Variants in MACROD2 observed in about 807,000 individuals in gnomAD.
MACROD2 encodes mono-ADP ribosylhydrolase 2, also known as ADP-ribose glycohydrolase MACROD2.
MACROD2 carries 36 observed loss-of-function variants against 70.4 expected under a neutral mutation model. The ratio of observed to expected loss-of-function variants is 0.51; its 90% CI spans 0.39 to 0.68. The LOEUF is 0.68. Among genes scored for constraint, MACROD2 ranks in the 30% least tolerant of loss-of-function variants. MACROD2 has a pLI of 0.00. For missense variants in MACROD2, 496 were observed against 538.4 expected, an observed-to-expected ratio of 0.92 and a Z score of 0.78; for synonymous variants, 172 against 178.8, an observed-to-expected ratio of 0.96 and a Z score of 0.30.
In MACROD2 at chr20:15,768,720, C is replaced by T. The variant is rs115866601; in HGVS notation, c.646-94025C>T. Among the ~76,000 whole-genome samples, 1,143 of 152,280 alleles carry T rather than the reference C, an allele frequency of 7.5e-3. 13 individuals are homozygous for T. The highest frequency in any genetic ancestry group is 0.025 in the African/African-American group (1,042 of 41,556). Reference sequence around the variant, plus strand: ...TATTTTGTAATCATACAATTTAAAACACAAACACATTGTACAGCTATACAA... The same window carrying T: ...TATTTTGTAATCATACAATTTAAAATACAAACACATTGTACAGCTATACAA... On this transcript the variant is annotated intron_variant, in intron 8 of 17. Coordinates refer to ENST00000684519, the MANE Select transcript of MACROD2 (RefSeq NM_001351661.2).
At chr20:14,547,867 C>A (rs6131592) in intron 4 of MACROD2, among the ~76,000 whole-genome samples, 13,818 of 152,136 alleles carry the variant, frequency 0.091, 814 homozygotes, top group Non-Finnish European at 0.13. Context: ...CCAGCGTCTC[C>A]TCTGTATGGC....
At chr20:14,095,830 G>A (rs2054216459) in intron 3 of MACROD2, among the ~76,000 whole-genome samples, 1 of 152,196 alleles carries the variant, frequency 6.6e-6, no homozygotes. Context: ...CTGACAGTCT[G>A]AGCAGGTCTG....
chr20:14,648,590 C>G (rs972817345), intron 4 of MACROD2, among the ~76,000 whole-genome samples: 1 of 151,574 alleles, frequency 6.6e-6, no homozygotes, highest in African/African-American at 2.4e-5. Context: ...CGTCTACTTT[C>G]TCTCCTTTGC....
Position 15,123,863 on chromosome 20 carries a change from T to A in MACROD2, c.419-106077T>A, listed in dbSNP as rs1170565246. 2.6e-5 allele frequency among the ~76,000 whole-genome samples: 4 copies of A among 152,202 alleles called. No homozygotes were observed. In the South Asian group the frequency reaches 8.3e-4, roughly 31 times the overall value. On this transcript the variant is annotated intron_variant, in intron 5 of 17. Transcript: ENST00000684519. ...ACCATGACACACATACAAATGTATA[T>A]GTGTGTGCACTGGCACTCACACATG...
rs2085313307 is a variant in MACROD2, at chr20:14,532,139, G to GTA, written c.301+38634_301+38635dup. 4.0e-5 allele frequency among the ~76,000 whole-genome samples: 6 copies of GTA among 151,634 alleles called. No individual in the cohort carries two copies. The South Asian group carries it at 1.2e-3, about 32-fold the overall frequency. On this transcript the variant is annotated intron_variant, in intron 4 of 17. Transcript: ENST00000684519. ...GTGCTTATGCTGAAGGACAATAGCA[G>GTA]TATAATGATTTTAGTACCCATGTTT...
intron 3 of MACROD2, among the ~76,000 whole-genome samples, chr20:14,339,076 A>G (rs949376293): frequency 1.3e-5 from 2 of 152,198 alleles, no homozygotes; most frequent in Non-Finnish European, 2.9e-5. Context: ...AGTCTTTCCC[A>G]GGACTATTTG....
intron 5 of MACROD2, among the ~76,000 whole-genome samples, chr20:15,190,219 C>T (rs947478073): frequency 1.3e-5 from 2 of 152,116 alleles, no homozygotes; most frequent in Non-Finnish European, 2.9e-5. Flanking sequence ...ATTTTCTTAA[C>T]CTCATTTTCT....
At chr20:14,167,299 CAT>C (rs1398204182) in intron 3 of MACROD2, among the ~76,000 whole-genome samples, 2 of 152,094 alleles carry the variant, frequency 1.3e-5, no homozygotes, top group Non-Finnish European at 2.9e-5. Context: ...ATTTTTTTCA[CAT>C]GATTATATGC....
intron 8 of MACROD2, among the ~76,000 whole-genome samples, chr20:15,673,475 T>C: frequency 6.6e-6 from 1 of 152,182 alleles, no homozygotes; most frequent in East Asian, 1.9e-4. Flanking sequence ...GTATGAACCC[T>C]CAGTTCCACT....
At chr20:14,684,648 A>ACCACCCCCCCCCCCCCC (rs2070977501) in intron 4 of MACROD2, among the ~76,000 whole-genome samples, 195 bp from the exon 5 acceptor site, 1 of 134,848 alleles carries the variant, frequency 7.4e-6, no homozygotes, top group Admixed American at 7.5e-5. Context: ...ACATAACCTC[A>ACCACCCCCCCCCCCCCC]CCCCCCCCCC....
intron 4 of MACROD2, chr20:14,554,254 C>G (rs1039200977): frequency 6.6e-6 from 1 of 152,104 alleles, no homozygotes; most frequent in South Asian, 2.1e-4. Flanking sequence ...ATTTCTCTGT[C>G]GTTAAATGAG....
intron 5 of MACROD2, among the ~76,000 whole-genome samples, chr20:14,743,810 C>T (rs555077328): frequency 1.2e-4 from 19 of 152,196 alleles, no homozygotes; most frequent in African/African-American, 4.3e-4. Flanking sequence ...ACTTTCAGAT[C>T]GGGAGATTAT....
At chr20:14,504,786 G>C (rs979037006) in intron 4 of MACROD2, among the ~76,000 whole-genome samples, 2 of 152,058 alleles carry the variant, frequency 1.3e-5, no homozygotes, top group Non-Finnish European at 1.5e-5. Context: ...AAATTCTGAG[G>C]ATCTTGTTGT....
rs1568839544 is a variant in MACROD2, at chr20:14,862,213, A to ATATATAAATATATATAAATATATATT, written c.418+177260_418+177261insAATATATATAAATATATATTTATATA. ...TTTATACATAAATATATAAATATAT[A>ATATATAAATATATATAAATATATATT]TATATATAAATATATATAAATATAT... On this transcript the variant is annotated intron_variant, in intron 5 of 17. Transcript: ENST00000684519. Among the ~76,000 whole-genome samples the ATATATAAATATATATAAATATATATT allele has an allele frequency of 3.0e-3, 11 of 3,646 alleles. 1 individual carries two copies. The highest frequency in any genetic ancestry group is 9.4e-3 in the African/African-American group (11 of 1,170). The allele number at this position is 3,646 out of a possible 152,430, so 2.4% of individuals were successfully genotyped here. A position where few individuals can be genotyped will look rare whatever the true frequency, so the allele number is the denominator to read the frequency against.
At chr20:14,682,629 A>C (rs2070947608) in intron 4 of MACROD2, among the ~76,000 whole-genome samples, 1 of 152,038 alleles carries the variant, frequency 6.6e-6, no homozygotes, top group Non-Finnish European at 1.5e-5. Context: ...TAGCTGGTCT[A>C]TTCATTTTAA....
At chr20:15,257,915 C>T (rs549025255) in intron 6 of MACROD2, among the ~76,000 whole-genome samples, 5 of 151,936 alleles carry the variant, frequency 3.3e-5, no homozygotes, top group African/African-American at 4.8e-5. Flanking sequence ...GTGTTATTGC[C>T]CCTGAAGACC....
At chr20:14,378,183 T>G (rs2083390265) in intron 3 of MACROD2, among the ~76,000 whole-genome samples, 1 of 152,142 alleles carries the variant, frequency 6.6e-6, no homozygotes, top group African/African-American at 2.4e-5. Context: ...CTAACAAGTT[T>G]CCAAGCCCTG....
intron 7 of MACROD2, among the ~76,000 whole-genome samples, chr20:15,467,135 G>T (rs929935420): frequency 6.6e-6 from 1 of 152,154 alleles, no homozygotes; most frequent in African/African-American, 2.4e-5. Flanking sequence ...TGAAGATCAG[G>T]CAAGTCCAGA....
In MACROD2 at chr20:14,562,305, G is replaced by A. The variant is rs1408219154; in HGVS notation, c.301+68797G>A. ...AAAAAATTTCATTTTGTCTAAATAT[G>A]TAAGTAGAGTCAAATTCACTTCTTA... On this transcript the variant is annotated intron_variant, in intron 4 of 17. Transcript: ENST00000684519. Among the ~76,000 whole-genome samples, 5 of 151,922 alleles carry A rather than the reference G, an allele frequency of 3.3e-5. No homozygotes were observed. The East Asian group carries it at 9.7e-4, about 30-fold the overall frequency.
Sources: gnomAD v4.1 joint callset for allele counts (sites outside exome capture counted in the v4.1 genomes callset) on GRCh38, gnomAD v4.1.1 for gene constraint, MANE v1.5 for transcripts, NCBI Gene and HGNC (gene_info 2026-07-23, HGNC 2026-07-21) for gene names.